The following ITPK1 variants were observed in gnomAD, a reference collection of about 807,000 sequenced individuals.
ITPK1 encodes inositol 1,3,4-trisphosphate 5/6-kinase.
In ITPK1, 21 loss-of-function variants were observed where a neutral mutation model predicts 45.3. That is an observed-to-expected ratio of 0.46 (90% CI 0.33 to 0.67). The LOEUF (loss-of-function observed/expected upper bound fraction) is 0.67, where lower values mean the gene tolerates loss of function less well. Among genes scored for constraint, ITPK1 ranks in the 30% least tolerant of loss-of-function variants. The pLI, the probability that ITPK1 is intolerant of heterozygous loss-of-function variation, is 0.02. For synonymous variants in ITPK1, 258 were observed against 253.6 expected, an observed-to-expected ratio of 1.02 and a Z score of -0.16; for missense variants, 474 against 573.5, an observed-to-expected ratio of 0.83 and a Z score of 1.77.
intron 3 of ITPK1, among the ~76,000 whole-genome samples, chr14:93,019,061 G>A (rs1474690324): frequency 3.9e-5 from 6 of 152,244 alleles, no homozygotes; most frequent in African/African-American, 7.2e-5. Context: ...GAGAGGCCAT[G>A]GGCAGAGAAC....
chr14:92,963,221 A>T (rs1170573963), intron 5 of ITPK1, among the ~76,000 whole-genome samples: 5 of 152,156 alleles, frequency 3.3e-5, no homozygotes, highest in Non-Finnish European at 7.3e-5. Context: ...CTGAATCCTA[A>T]CTTCATAAGC....
intron 4 of ITPK1, among the ~76,000 whole-genome samples, chr14:93,008,955 T>C (rs2139839954): frequency 6.6e-6 from 1 of 152,308 alleles, no homozygotes; most frequent in Admixed American, 6.5e-5. Context: ...ACAACTTGAC[T>C]GGCCCACCTG....
intron 3 of ITPK1, among the ~76,000 whole-genome samples, chr14:93,019,307 AAGG>A (rs1483189509): frequency 1.3e-5 from 2 of 152,086 alleles, no homozygotes; most frequent in Non-Finnish European, 2.9e-5. Flanking sequence ...GGCGCTGGGG[AAGG>A]AGGTGAGCAG....
intron 2 of ITPK1, among the ~76,000 whole-genome samples, chr14:93,111,663 A>T: frequency 6.8e-6 from 1 of 146,406 alleles, no homozygotes; most frequent in Non-Finnish European, 1.5e-5. Flanking sequence ...GTGAGCCGAG[A>T]TTGCGCCACT....
At chr14:92,945,105 C>T (rs1314753463) in intron 10 of ITPK1, among the ~76,000 whole-genome samples, 6 of 152,246 alleles carry the variant, frequency 3.9e-5, no homozygotes, top group Non-Finnish European at 5.9e-5. Context: ...CTGTCCTCCG[C>T]CTCCTCCAGA....
intron 10 of ITPK1, among the ~76,000 whole-genome samples, chr14:92,944,261 G>C (rs1304235939): frequency 6.6e-6 from 1 of 152,058 alleles, no homozygotes; most frequent in Admixed American, 6.5e-5. Flanking sequence ...GCCCCAAAAG[G>C]GTGCTCTATG....
rs534204676 is a variant in ITPK1, at chr14:93,055,111, T to C, written c.120+21484A>G. 4.6e-5 allele frequency among the ~76,000 whole-genome samples: 7 copies of C among 152,350 alleles called. No individual in the cohort carries two copies. The East Asian group carries it at 1.4e-3, about 29-fold the overall frequency. ...ACCTGGCATCTTTGGCCACGTTTCATGCCTATGGGACTCATCCATGGTTCA... is the reference window on the plus strand; with the variant it reads ...ACCTGGCATCTTTGGCCACGTTTCACGCCTATGGGACTCATCCATGGTTCA... On this transcript the variant is annotated intron_variant, in intron 3 of 10. Coordinates refer to ENST00000267615, the MANE Select transcript of ITPK1 (RefSeq NM_014216.6).
At chr14:92,997,017 G>A (rs1887088158) in intron 4 of ITPK1, among the ~76,000 whole-genome samples, 1 of 152,186 alleles carries the variant, frequency 6.6e-6, no homozygotes, top group Non-Finnish European at 1.5e-5. Flanking sequence ...ATTTGTAAAG[G>A]TAAACTTGAA....
intron 3 of ITPK1, among the ~76,000 whole-genome samples, chr14:93,025,605 T>C (rs1888696742): frequency 2.0e-5 from 3 of 152,232 alleles, no homozygotes; most frequent in Admixed American, 2.0e-4. Context: ...TTTTACCCAC[T>C]GTTTGCAAAT....
chr14:93,115,336 C>T (rs1409957341), intron 1 of ITPK1, 31 bp from the exon 2 acceptor site: 4 of 274,814 alleles, frequency 1.5e-5, no homozygotes, highest in Non-Finnish European at 2.7e-5. Flanking sequence ...GGGCGGGGCG[C>T]GGCGGGCGGC....
intron 2 of ITPK1, among the ~76,000 whole-genome samples, chr14:93,082,653 G>A (rs370975706): frequency 1.2e-4 from 19 of 152,342 alleles, no homozygotes; most frequent in South Asian, 6.2e-4. Context: ...GACTGGGGGC[G>A]GCACGCCCAC....
At position 93,087,247 on chromosome 14, in the gene ITPK1, C is replaced by A. The variant is rs78772679; in HGVS notation, c.96-10628G>T. On this transcript the variant is annotated intron_variant, in intron 2 of 10. Transcript: ENST00000267615. ...TTGGCTTGTGGCCACAACACCCCAA[C>A]CTCTGCTTCCACTGTCACATCTCCT... Among the ~76,000 whole-genome samples, 259 of 152,368 alleles carry A rather than the reference C, an allele frequency of 1.7e-3. 9 individuals carry two copies. In the East Asian group the frequency reaches 0.041, roughly 24 times the overall value.
chr14:93,111,846 C>G (rs941805046), intron 2 of ITPK1, among the ~76,000 whole-genome samples: 2 of 151,890 alleles, frequency 1.3e-5, no homozygotes, highest in African/African-American at 4.8e-5. Flanking sequence ...GGGGAAGAAA[C>G]AGGATGGCAA....
chr14:93,050,676 G>A (rs1566756523), intron 3 of ITPK1, among the ~76,000 whole-genome samples: 1 of 152,068 alleles, frequency 6.6e-6, no homozygotes, highest in Non-Finnish European at 1.5e-5. Flanking sequence ...GGATGTGAGG[G>A]GGGTCCACAA....
At chr14:92,977,232 T>C (rs1260232762) in intron 5 of ITPK1, among the ~76,000 whole-genome samples, 1 of 152,234 alleles carries the variant, frequency 6.6e-6, no homozygotes, top group Admixed American at 6.5e-5. Context: ...CTGGTATTAC[T>C]ATTTGAAGGT....
intron 2 of ITPK1, among the ~76,000 whole-genome samples, chr14:93,099,624 G>A (rs924510064): frequency 1.3e-5 from 2 of 152,186 alleles, no homozygotes; most frequent in Admixed American, 1.3e-4. Context: ...CTGGCCGTGG[G>A]AATAAGCCAG....
intron 3 of ITPK1, among the ~76,000 whole-genome samples, chr14:93,055,295 A>G (rs1890176686): frequency 6.6e-6 from 1 of 152,138 alleles, no homozygotes; most frequent in Non-Finnish European, 1.5e-5. Context: ...CTTTTGGTGG[A>G]CACAGCCCTC....
At position 93,063,052 on chromosome 14, in the gene ITPK1, G is replaced by GC. The variant is rs1357865458; in HGVS notation, c.120+13542dup. On this transcript the variant is annotated intron_variant, in intron 3 of 10. Transcript: ENST00000267615. This position sits in a 1 kb window ranked among gnomAD's most constrained non-coding sequence, Gnocchi z 4.3. The stretch of plus-strand genomic sequence containing the variant: ...GATTTAACAAGTTCAGTAAATGTGC[G>GC]CCCCCACCCCACCCCCATCTCCCAT... 6.6e-6 allele frequency among the ~76,000 whole-genome samples: 1 copy of GC among 152,084 alleles called. No homozygotes were observed. The highest frequency in any genetic ancestry group is 2.4e-5 in the African/African-American group (1 of 41,396).
chr14:92,950,725 C>T (rs1195846879), intron 9 of ITPK1, among the ~76,000 whole-genome samples: 5 of 152,190 alleles, frequency 3.3e-5, no homozygotes, highest in Non-Finnish European at 7.3e-5. Flanking sequence ...CATGGGCTGC[C>T]GAGGCCCCCA....
Sources: allele counts gnomAD v4.1 joint callset (sites outside exome capture counted in the v4.1 genomes callset), GRCh38; gene constraint gnomAD v4.1.1; non-coding constraint Gnocchi (gnomAD v3.1); transcripts MANE v1.5; gene names NCBI Gene and HGNC (gene_info 2026-07-23, HGNC 2026-07-21).